Variants in PLVAP observed in about 807,000 individuals in gnomAD.
The protein encoded by PLVAP is plasmalemma vesicle-associated protein.
A neutral mutation model predicts 43.1 loss-of-function variants in PLVAP; 34 were observed. That is an observed-to-expected ratio of 0.79 (90% confidence interval 0.60 to 1.05). The LOEUF (loss-of-function observed/expected upper bound fraction) is 1.05, where lower values mean the gene tolerates loss of function less well. PLVAP is among the 50% of genes least tolerant of loss of function. PLVAP has a pLI of 0.00. For synonymous variants in PLVAP, 241 were observed against 237.3 expected, an observed-to-expected ratio of 1.02 and a Z score of -0.14; for missense variants, 574 against 593.4, an observed-to-expected ratio of 0.97 and a Z score of 0.34.
intron 5 of PLVAP, among the ~76,000 whole-genome samples, chr19:17,359,109 TTTTA>T (rs1568373485): frequency 6.6e-6 from 1 of 151,148 alleles, no homozygotes; most frequent in African/African-American, 2.4e-5. Flanking sequence ...TGAGACTCTT[TTTTA>T]TTTATTATTT....
chr19:17,352,050 C>G lies in PLVAP; in HGVS notation c.*312G>C, dbSNP rs1242190388. 1 of 439,274 alleles carries G rather than the reference C, an allele frequency of 2.3e-6. No homozygotes were observed. Among genetic ancestry groups the G allele is most frequent in the Non-Finnish European group, 4.2e-6 (1 of 239,494 alleles). 27.2% of individuals were successfully genotyped at this position (439,274 alleles called of 1,614,324 possible). On this transcript the variant is annotated 3_prime_UTR_variant, in exon 6 of 6. Coordinates refer to ENST00000252590, the MANE Select transcript of PLVAP (RefSeq NM_031310.3). The stretch of plus-strand genomic sequence containing the variant: ...CTGTGTGCGACGTGCTGCATCTGCA[C>G]GACGCCATCGCTATATCTCTTCGTG...
At position 17,376,917 on chromosome 19, in the gene PLVAP, T is replaced by C. The variant is rs1359498564; in HGVS notation, c.369+3A>G. 1.2e-6 allele frequency: 2 copies of C among 1,611,240 alleles called. No homozygotes were observed. Among genetic ancestry groups the C allele is most frequent in the Non-Finnish European group, 1.7e-6 (2 of 1,178,788 alleles). On this transcript the variant is annotated splice_donor_region_variant and intron_variant, in intron 1 of 5. Transcript: ENST00000252590. ...AGGGCGAGTGTCCTGCCCACAGCCT[T>C]ACCCGGTCACCCTGGCACTGGCGGA...
In PLVAP at chr19:17,365,629, A is replaced by G; in HGVS notation, c.836T>C (p.Met279Thr). ...GGCCAGCTCCTCCACCTTGGAGCTC[A>G]TGAGGCTGGGCATGTGGTCGCAGGC... ...RRACDHMPSL[M>T]SSKVEELARS... Residue 279 changes from methionine to threonine, a missense_variant, in exon 3 of 6, where the codon ATG becomes ACG. Physicochemically the swap from Met to Thr is moderately conservative, Grantham distance 81. Coordinates refer to ENST00000252590, the MANE Select transcript of PLVAP (RefSeq NM_031310.3). 6.2e-7 allele frequency: 1 copy of G among 1,613,568 alleles called. No homozygotes were observed. Among genetic ancestry groups the G allele is most frequent in the Non-Finnish European group, 8.5e-7 (1 of 1,180,026 alleles).
At chr19:17,355,263 A>ATAAT (rs1457064966) in intron 5 of PLVAP, among the ~76,000 whole-genome samples, 1 of 142,320 alleles carries the variant, frequency 7.0e-6, no homozygotes, top group Non-Finnish European at 1.5e-5. Flanking sequence ...AATAATAATA[A>ATAAT]AATAAATAAT....
rs71336607 is a variant in PLVAP at position 17,360,914 on chromosome 19, C to CTT, written c.1180-84_1180-83dup. The CTT allele has an allele frequency of 6.5e-3, 5,831 of 897,920 alleles. 1 individual carries two copies. The highest frequency in any genetic ancestry group is 0.011 in the Middle Eastern group (34 of 2,966). The allele number at this position is 897,920 out of a possible 1,614,324, so 55.6% of individuals were successfully genotyped here. On this transcript the variant is annotated intron_variant, in intron 3 of 5. Transcript: ENST00000252590. ...CTGCCTTTTCTTTTCTTTTCTTTTT[C>CTT]TTTTTTTTTTTTTTTTTGAGACGGA...
intron 1 of PLVAP, among the ~76,000 whole-genome samples, chr19:17,366,619 A>G (rs554516653): frequency 1.4e-4 from 21 of 146,090 alleles, no homozygotes; most frequent in Admixed American, 1.4e-3. Context: ...TTTATGGTCA[A>G]CTGAATTTCT....
chr19:17,361,747 A>G (rs556904391), intron 3 of PLVAP, among the ~76,000 whole-genome samples: 1 of 152,102 alleles, frequency 6.6e-6, no homozygotes, highest in South Asian at 2.1e-4. Flanking sequence ...TCTGACTCCA[A>G]CCATTCTCTT....
chr19:17,372,480 G>A (rs1158750564), intron 1 of PLVAP, among the ~76,000 whole-genome samples: 8 of 148,488 alleles, frequency 5.4e-5, no homozygotes, highest in Non-Finnish European at 1.2e-4. Flanking sequence ...TTTTTGAGAC[G>A]GAGTCTCGCT....
intron 3 of PLVAP, among the ~76,000 whole-genome samples, chr19:17,361,590 C>T (rs1256412305): frequency 1.3e-5 from 2 of 152,152 alleles, no homozygotes; most frequent in Non-Finnish European, 2.9e-5. Context: ...GAGCCAATCC[C>T]CCAAAACCTG....
intron 3 of PLVAP, chr19:17,362,568 A>G (rs1599574170): frequency 2.0e-5 from 3 of 151,770 alleles, no homozygotes; most frequent in Admixed American, 6.6e-5. Context: ...TCCAAAATTC[A>G]CCCTTGGCTG....
At chr19:17,373,386 A>T (rs1335091548) in intron 1 of PLVAP, among the ~76,000 whole-genome samples, 1 of 151,944 alleles carries the variant, frequency 6.6e-6, no homozygotes, top group Non-Finnish European at 1.5e-5. Flanking sequence ...CCCCGCCATT[A>T]GGGGTCTGAG....
Position 17,377,052 on chromosome 19 carries a change from G to C in PLVAP, c.237C>G (p.Ala79=). Residue 79 remains alanine (A), a synonymous_variant, in exon 1 of 6, where the codon GCC becomes GCG. Transcript: ENST00000252590. ...GCTCCTTGGTCAAGTTGGACTGGGA[G>C]GCCGTGAGCCCTAGGAGCTGACTGT... ...GLYSQLLGLT[A]SQSNLTKELN... 6.2e-7 allele frequency: 1 copy of C among 1,614,180 alleles called. No individual in the cohort carries two copies. The highest frequency in any genetic ancestry group is 8.5e-7 in the Non-Finnish European group (1 of 1,180,036).
intron 3 of PLVAP, among the ~76,000 whole-genome samples, chr19:17,364,829 ATGGCTCGATCT>A (rs2074542076): frequency 7.3e-6 from 1 of 136,554 alleles, no homozygotes; most frequent in African/African-American, 2.9e-5. Flanking sequence ...CTGGAGTGCA[ATGGCTCGATCT>A]TGGCTCACTG....
intron 1 of PLVAP, among the ~76,000 whole-genome samples, chr19:17,368,088 T>TTTTTA (rs2074557454): frequency 1.1e-5 from 1 of 90,152 alleles, no homozygotes; most frequent in African/African-American, 4.3e-5. Flanking sequence ...TTTTTTTTTT[T>TTTTTA]GAGACGGAGT....
rs939202735 is a variant in PLVAP at position 17,352,216 on chromosome 19, G to T, written c.*146C>A. 2.8e-6 allele frequency: 3 copies of T among 1,073,702 alleles called. No individual in the cohort carries two copies. The highest frequency in any genetic ancestry group is 4.0e-6 in the Non-Finnish European group (3 of 751,334). The allele number at this position is 1,073,702 out of a possible 1,614,324, so 66.5% of individuals were successfully genotyped here. ...GTGCGGGTGTGAGAGGGTACTAGGG[G>T]TTTGCATGCAGGGAGTTGTCTGATG... is the stretch of plus-strand genomic sequence containing the variant. On this transcript the variant is annotated 3_prime_UTR_variant, in exon 6 of 6. Coordinates refer to ENST00000252590, the MANE Select transcript of PLVAP (RefSeq NM_031310.3).
At chr19:17,358,420 C>A (rs1395859311) in intron 5 of PLVAP, among the ~76,000 whole-genome samples, 1 of 152,140 alleles carries the variant, frequency 6.6e-6, no homozygotes, top group Non-Finnish European at 1.5e-5. Context: ...AGCTCCGTGG[C>A]AAAATGGTCA....
chr19:17,375,590 A>AG (rs1343255811), intron 1 of PLVAP, among the ~76,000 whole-genome samples: 1 of 151,794 alleles, frequency 6.6e-6, no homozygotes, highest in East Asian at 1.9e-4. Flanking sequence ...AAAGTTAGCC[A>AG]GGGCACCAGG....
intron 5 of PLVAP, among the ~76,000 whole-genome samples, chr19:17,358,284 A>C (rs1233815168): frequency 6.6e-6 from 1 of 150,880 alleles, no homozygotes; most frequent in Non-Finnish European, 1.5e-5. Flanking sequence ...AAAAAAAAGA[A>C]GAAGAGGTGG....
At chr19:17,375,323 GC>G (rs1052628527) in intron 1 of PLVAP, among the ~76,000 whole-genome samples, 1 of 152,128 alleles carries the variant, frequency 6.6e-6, no homozygotes, top group Admixed American at 6.6e-5. Flanking sequence ...CATTCTGGGA[GC>G]TTCATGCATA....
Sources: gnomAD v4.1 joint callset for allele counts (sites outside exome capture counted in the v4.1 genomes callset) on GRCh38, gnomAD v4.1.1 for gene constraint, MANE v1.5 for transcripts, NCBI Gene and HGNC (gene_info 2026-07-23, HGNC 2026-07-21) for gene names.